Variants in LARGE1 observed in about 807,000 individuals in gnomAD.
LARGE1 encodes the protein LARGE xylosyl- and glucuronyltransferase 1, also known as xylosyl- and glucuronyltransferase LARGE1.
In LARGE1, 43 loss-of-function variants were observed where a neutral mutation model predicts 87.6. The ratio of observed to expected loss-of-function variants is 0.49; its 90% CI spans 0.38 to 0.63. The LOEUF (loss-of-function observed/expected upper bound fraction) is 0.63. Ranked by LOEUF, LARGE1 falls within the 30% of genes least tolerant of loss-of-function variation. LARGE1 has a pLI of 0.00. For missense variants in LARGE1, 802 were observed against 1,000.2 expected (o/e 0.80, Z 2.67); for synonymous variants, 434 against 394.6 (o/e 1.10, Z -1.18).
intron 11 of LARGE1, among the ~76,000 whole-genome samples, chr22:33,231,485 T>C (rs748306791): frequency 2.8e-4 from 42 of 152,378 alleles, no homozygotes; most frequent in Non-Finnish European, 5.7e-4. Context: ...GTTTGATACA[T>C]AGCACATGCT....
intron 2 of LARGE1, among the ~76,000 whole-genome samples, chr22:33,741,180 T>A (rs2083867019): frequency 6.6e-6 from 1 of 152,236 alleles, no homozygotes; most frequent in Non-Finnish European, 1.5e-5. Flanking sequence ...GAATAAACGC[T>A]GCAACATTAT....
chr22:33,089,283 C>G, the LARGE1 span, among the ~76,000 whole-genome samples: 27 of 129,338 alleles, frequency 2.1e-4, no homozygotes, highest in Middle Eastern at 3.5e-3. Context: ...TCTTCTTGTT[C>G]TTCTTCTTCT....
intron 1 of LARGE1, among the ~76,000 whole-genome samples, chr22:33,832,927 C>A (rs1031026265): frequency 6.6e-6 from 1 of 152,220 alleles, no homozygotes; most frequent in African/African-American, 2.4e-5. Flanking sequence ...GCAGGCACTA[C>A]GGGCCCATCT....
intron 9 of LARGE1, among the ~76,000 whole-genome samples, chr22:33,355,399 T>C (rs1840163549): frequency 6.6e-6 from 1 of 152,220 alleles, no homozygotes; most frequent in Non-Finnish European, 1.5e-5. Flanking sequence ...AACCCTTGCA[T>C]ACAACGGGCA....
chr22:33,152,416 C>T, the LARGE1 span, among the ~76,000 whole-genome samples: 4 of 152,290 alleles, frequency 2.6e-5, no homozygotes, highest in South Asian at 2.1e-4. Context: ...CCTACTGGCC[C>T]GAGCATTGTG....
intron 1 of LARGE1, among the ~76,000 whole-genome samples, chr22:33,819,991 T>G (rs901859113): frequency 1.2e-4 from 18 of 152,166 alleles, no homozygotes; most frequent in African/African-American, 4.1e-4. Flanking sequence ...GTCTAGAGCT[T>G]GCATGTGGAT....
chr22:33,394,743 G>A (rs7290392), intron 7 of LARGE1, among the ~76,000 whole-genome samples: 1 of 138,180 alleles, frequency 7.2e-6, no homozygotes, highest in Non-Finnish European at 1.5e-5. Context: ...GTGTGTGTGT[G>A]TATGTGTGTG....
At chr22:33,541,078 G>GGTGGGGGGGGGT (rs1569252354) in intron 6 of LARGE1, among the ~76,000 whole-genome samples, 1 of 62,202 alleles carries the variant, frequency 1.6e-5, no homozygotes, top group African/African-American at 5.3e-5. Context: ...CGGGGGGCGG[G>GGTGGGGGGGGGT]TTGCAGGGGG....
chr22:33,778,451 C>T (rs2085316493), intron 1 of LARGE1, among the ~76,000 whole-genome samples: 1 of 152,152 alleles, frequency 6.6e-6, no homozygotes, highest in Non-Finnish European at 1.5e-5. Flanking sequence ...TTCCATCAAT[C>T]TGAAAGAAAA....
At chr22:33,371,335 C>T (rs550724921) in intron 9 of LARGE1, among the ~76,000 whole-genome samples, 4 of 152,228 alleles carry the variant, frequency 2.6e-5, no homozygotes, top group South Asian at 4.1e-4. Context: ...GAAATATCTT[C>T]GAAACTGGCA....
rs141820453 is a variant in LARGE1, at chr22:33,342,798, G to A, written c.1132-4997C>T. Among the ~76,000 whole-genome samples, 13 of 152,276 alleles carry A rather than the reference G, an allele frequency of 8.5e-5. 1 individual carries two copies. In the East Asian group the frequency reaches 2.5e-3, roughly 29 times the overall value. On this transcript the variant is annotated intron_variant, in intron 9 of 14. Transcript: ENST00000397394. ...GTTACATAAGAAGGAAGATGGGGGA[G>A]TGGATGGCGAGGTCTTAGGCAAGCA... is the stretch of plus-strand genomic sequence containing the variant.
downstream of LARGE1, among the ~76,000 whole-genome samples, chr22:33,157,730 G>C (rs890744758): frequency 6.6e-6 from 1 of 152,028 alleles, no homozygotes; most frequent in African/African-American, 2.4e-5. Flanking sequence ...CCTTCTTTTA[G>C]TACTCATCGT....
At chr22:33,706,021 A>G (rs577676590) in intron 2 of LARGE1, among the ~76,000 whole-genome samples, 1 of 152,372 alleles carries the variant, frequency 6.6e-6, no homozygotes, top group African/African-American at 2.4e-5. Flanking sequence ...CACATCCATC[A>G]ATAAATGGAT....
chr22:33,335,667 C>T (rs11912289), intron 10 of LARGE1, among the ~76,000 whole-genome samples: 1,823 of 152,324 alleles, frequency 0.012, 34 homozygotes, highest in African/African-American at 0.042. Context: ...CCTCCCTCCC[C>T]ACTAGCTCCT....
the LARGE1 span, among the ~76,000 whole-genome samples, chr22:33,113,879 T>A: frequency 1.3e-5 from 2 of 151,938 alleles, no homozygotes; most frequent in Non-Finnish European, 2.9e-5. Flanking sequence ...TTTTCTTTTT[T>A]TTTTTTTTTG....
chr22:33,914,989 G>T (rs1172256359), intron 1 of LARGE1, among the ~76,000 whole-genome samples: 2 of 149,306 alleles, frequency 1.3e-5, no homozygotes, highest in African/African-American at 4.9e-5. Flanking sequence ...GGATGATAGA[G>T]ACAAGACAAA....
chr22:33,189,670 T>G (rs1923674644), intron 11 of LARGE1, among the ~76,000 whole-genome samples: 1 of 152,200 alleles, frequency 6.6e-6, no homozygotes, highest in Non-Finnish European at 1.5e-5. Context: ...GTTGTAAGGA[T>G]GGAGGACAAG....
intron 5 of LARGE1, among the ~76,000 whole-genome samples, chr22:33,584,694 C>T (rs73168552): frequency 0.24 from 36,304 of 151,236 alleles, 4,916 homozygotes; most frequent in East Asian, 0.35. Context: ...AAAATGAAAA[C>T]TCAGCTGGCA....
chr22:33,735,727 A>G (rs757150811), intron 2 of LARGE1, among the ~76,000 whole-genome samples: 2 of 152,220 alleles, frequency 1.3e-5, no homozygotes, highest in African/African-American at 2.4e-5. Context: ...AGAGTTGTGC[A>G]GCCATCACCG....
Sources: allele counts gnomAD v4.1 joint callset (sites outside exome capture counted in the v4.1 genomes callset), GRCh38; gene constraint gnomAD v4.1.1; transcripts MANE v1.5; gene names NCBI Gene and HGNC (gene_info 2026-07-23, HGNC 2026-07-21).